ZNF287: variants seen among roughly 807,000 people sequenced by gnomAD.
ZNF287 encodes the protein zinc finger protein 287.
ZNF287 carries 31 observed loss-of-function variants against 73.7 expected under a neutral mutation model. That is an observed-to-expected ratio of 0.42 (90% CI 0.32 to 0.57). ZNF287 has a LOEUF of 0.57. Among genes scored for constraint, ZNF287 ranks in the 20% least tolerant of loss-of-function variants. ZNF287 has a pLI of 0.13. For missense variants in ZNF287, 641 were observed against 909.3 expected (o/e 0.70, Z 3.79); for synonymous variants, 301 against 307.2 (o/e 0.98, Z 0.21).
rs1374826233 is a variant in ZNF287, at chr17:16,550,857, ACTT to A, written c.*996_*998del. 6.6e-6 allele frequency among the ~76,000 whole-genome samples: 1 copy of A among 152,220 alleles called. No individual in the cohort carries two copies. Among genetic ancestry groups the A allele is most frequent in the Non-Finnish European group, 1.5e-5 (1 of 68,032 alleles). On this transcript the variant is annotated 3_prime_UTR_variant, in exon 6 of 6. Coordinates refer to ENST00000395825, the MANE Select transcript of ZNF287 (RefSeq NM_020653.4). ...AATGGGAACTGTATACTTTATACCT[ACTT>A]TTTTCCTTCAGGATGACCTTGAATG...
At position 16,550,004 on chromosome 17, in the gene ZNF287, A is replaced by G. The variant is rs1906541009; in HGVS notation, c.*1852T>C. On this transcript the variant is annotated 3_prime_UTR_variant, in exon 6 of 6. Transcript: ENST00000395825. ...TTCAACCATGTATTGACCATGCACTATTATGCAAGGGACTGGAGAAACAAG... is the reference window on the plus strand; with the variant it reads ...TTCAACCATGTATTGACCATGCACTGTTATGCAAGGGACTGGAGAAACAAG... Among the ~76,000 whole-genome samples the G allele has an allele frequency of 6.6e-6, 1 of 152,232 alleles. No homozygotes were observed. The highest frequency in any genetic ancestry group is 1.9e-4 in the East Asian group (1 of 5,208).
chr17:16,560,919 C>T (rs990599163), intron 5 of ZNF287, among the ~76,000 whole-genome samples: 3 of 150,540 alleles, frequency 2.0e-5, no homozygotes, highest in African/African-American at 7.3e-5. Context: ...AGGAGAATGG[C>T]GTGAACGTGG....
At chr17:16,564,104 A>G (rs1375494768) in intron 3 of ZNF287, among the ~76,000 whole-genome samples, 3 of 152,218 alleles carry the variant, frequency 2.0e-5, no homozygotes, top group Admixed American at 1.3e-4. Context: ...AAGGTTTATC[A>G]TTACTATTTT....
Position 16,567,593 on chromosome 17 carries a change from T to C in ZNF287, c.139A>G (p.Thr47Ala). Residue 47 changes from threonine (T) to alanine (A), a missense_variant, in exon 2 of 6, where the codon ACC becomes GCC. Transcript: ENST00000395825. ...AAATTCCTAAAATTCTGTCGACAGGTCTCAGTGTCACGCAAGAATCTTGAA... is the reference window on the plus strand; with the variant it reads ...AAATTCCTAAAATTCTGTCGACAGGCCTCAGTGTCACGCAAGAATCTTGAA... ...LTSRFLRDTE[T>A]CRQNFRNFPY... The C allele has an allele frequency of 6.2e-7, 1 of 1,614,188 alleles. No homozygotes were observed. The highest frequency in any genetic ancestry group is 1.1e-5 in the South Asian group (1 of 91,076).
chr17:16,565,060 A>G (rs1907667785), intron 3 of ZNF287, among the ~76,000 whole-genome samples: 1 of 151,658 alleles, frequency 6.6e-6, no homozygotes, highest in East Asian at 2.0e-4. Flanking sequence ...ATCTTTAAAA[A>G]AGTCATATTG....
intron 5 of ZNF287, among the ~76,000 whole-genome samples, chr17:16,562,090 C>T (rs1166069211): frequency 6.6e-6 from 1 of 152,030 alleles, no homozygotes. Context: ...ATTAGTGATT[C>T]CCAGTAGACA....
Position 16,552,453 on chromosome 17 carries a change from ACACTTCTCTC to A in ZNF287, c.1679_1688del (p.Gly560ValfsTer202). The A allele has an allele frequency of 6.2e-7, 1 of 1,614,098 alleles. No individual in the cohort carries two copies. The highest frequency in any genetic ancestry group is 1.7e-5 in the Admixed American group (1 of 60,018). On this transcript the variant is annotated frameshift_variant, in exon 6 of 6. Transcript: ENST00000395825. LOFTEE classifies it high-confidence loss of function. The surrounding 1 kb of genome is among the most constrained non-coding windows in gnomAD (Gnocchi z 6.5). ...CTTTTCCACATTCATTACATTTATAACACTTCTCTCCAGAATGAATTCTCTGATGTCGAAT... is the reference window on the plus strand; with the variant it reads ...CTTTTCCACATTCATTACATTTATAACAGAATGAATTCTCTGATGTCGAAT...
Position 16,547,394 on chromosome 17 carries a change from C to A in ZNF287, c.*4462G>T, listed in dbSNP as rs146182507. 2.8e-4 allele frequency among the ~76,000 whole-genome samples: 42 copies of A among 152,270 alleles called. No individual in the cohort carries two copies. The highest frequency in any genetic ancestry group is 3.4e-3 in the Middle Eastern group (1 of 294). On this transcript the variant is annotated 3_prime_UTR_variant, in exon 6 of 6. Coordinates refer to ENST00000395825, the MANE Select transcript of ZNF287 (RefSeq NM_020653.4). ...ACAAGTTCTATTCCCTTGTAAATTT[C>A]CTGATGGCATTGTCACAGGCCTTTT...
rs1906433135 is a variant in ZNF287 at position 16,548,652 on chromosome 17, T to C, written c.*3204A>G. Reference sequence around the variant, plus strand: ...CTCTACTAAAAAAATACAAAGAAATTAGCCGGGCGTGGTGGCGGGTGTCTG... The same window carrying C: ...CTCTACTAAAAAAATACAAAGAAATCAGCCGGGCGTGGTGGCGGGTGTCTG... On this transcript the variant is annotated 3_prime_UTR_variant, in exon 6 of 6. Transcript: ENST00000395825. Among the ~76,000 whole-genome samples, 1 of 151,908 alleles carries C rather than the reference T, an allele frequency of 6.6e-6. No homozygotes were observed. Among genetic ancestry groups the C allele is most frequent in the Non-Finnish European group, 1.5e-5 (1 of 67,972 alleles).
At position 16,552,920 on chromosome 17, in the gene ZNF287, T is replaced by G; in HGVS notation, c.1222A>C (p.Ile408Leu). 1 of 1,614,182 alleles carries G rather than the reference T, an allele frequency of 6.2e-7. No individual in the cohort carries two copies. The highest frequency in any genetic ancestry group is 8.5e-7 in the Non-Finnish European group (1 of 1,180,030). ...CEECGKEFRH[I>L]SSLIAHQRMH... ...CTCTGATGTGCAATAAGGGATGAGA[T>G]ATGCCTAAACTCTTTCCCACATTCT... Residue 408 changes from isoleucine to leucine, a missense_variant, in exon 6 of 6, where the codon ATC (isoleucine) becomes CTC (leucine). Ile to Leu is a conservative substitution (Grantham distance 5). Around this residue, in one of 2 missense-constraint regions of ZNF287, gnomAD observed 284 missense variants for 466.8 expected, o/e 0.61. Coordinates refer to ENST00000395825, the MANE Select transcript of ZNF287 (RefSeq NM_020653.4). The surrounding 1 kb of genome is among the most constrained non-coding windows in gnomAD (Gnocchi z 6.5).
At chr17:16,555,109 TGTG>T (rs1361171353) in intron 5 of ZNF287, among the ~76,000 whole-genome samples, 1 of 152,140 alleles carries the variant, frequency 6.6e-6, no homozygotes, top group Admixed American at 6.5e-5. Context: ...TTCTGAGAAA[TGTG>T]GTGTTGGTCG....
In ZNF287 at chr17:16,567,309, C is replaced by G; in HGVS notation, c.403+20G>C. 6.3e-7 allele frequency: 1 copy of G among 1,597,662 alleles called. No homozygotes were observed. Among genetic ancestry groups the G allele is most frequent in the Non-Finnish European group, 8.5e-7 (1 of 1,170,760 alleles). Reference sequence around the variant, plus strand: ...TTAACCACCCAGGGATTCCTCCCCTCTCTGCTCTATGATTCTCACCTTCCT... The same window carrying G: ...TTAACCACCCAGGGATTCCTCCCCTGTCTGCTCTATGATTCTCACCTTCCT... On this transcript the variant is annotated intron_variant, in intron 2 of 5. Transcript: ENST00000395825.
rs1402059157 is a variant in ZNF287 at position 16,550,821 on chromosome 17, C to T, written c.*1035G>A. On this transcript the variant is annotated 3_prime_UTR_variant, in exon 6 of 6. Transcript: ENST00000395825. ...AAACCTAAAGTATAAATTTAGGAGT[C>T]AGGTGAAAAAAATGGGAACTGTATA... Among the ~76,000 whole-genome samples the T allele has an allele frequency of 6.6e-6, 1 of 152,038 alleles. No individual in the cohort carries two copies. The highest frequency in any genetic ancestry group is 2.4e-5 in the African/African-American group (1 of 41,414).
chr17:16,562,472 G>A (rs963619973), intron 5 of ZNF287, among the ~76,000 whole-genome samples: 1 of 152,122 alleles, frequency 6.6e-6, no homozygotes, highest in Admixed American at 6.5e-5. Context: ...GACAACAGTT[G>A]TTCAAACTTT....
intron 5 of ZNF287, among the ~76,000 whole-genome samples, chr17:16,560,511 AG>A (rs1907372102): frequency 4.7e-5 from 7 of 150,446 alleles, no homozygotes; most frequent in African/African-American, 1.5e-4. Flanking sequence ...CACCACGCCC[AG>A]CTAATTTTTG....
Position 16,551,864 on chromosome 17 carries a change from G to A in ZNF287, c.2278C>T (p.Arg760Cys), listed in dbSNP as rs753188950. ...GAAGTTTCCCTTATCCATTAATTAC[G>A]ATGTTTGGCACCTGTATGAACACGT... is the stretch of plus-strand genomic sequence containing the variant. Reference protein sequence around the residue: ...HQRVHTGAKHRN With the variant: ...HQRVHTGAKHCN The change falls in exon 6 of 6, where the codon CGT (arginine) becomes TGT (cysteine). Residue 760 changes from arginine to cysteine, a missense_variant. By Grantham distance (180) the Arg-to-Cys change is radical. Around this residue, in one of 2 missense-constraint regions of ZNF287, gnomAD observed 284 missense variants for 466.8 expected, o/e 0.61. Coordinates refer to ENST00000395825, the MANE Select transcript of ZNF287 (RefSeq NM_020653.4). 3.1e-5 allele frequency: 49 copies of A among 1,572,958 alleles called. No homozygotes were observed. The East Asian group carries it at 3.8e-4, about 12-fold the overall frequency.
chr17:16,568,433 A>G (rs1450219406), intron 1 of ZNF287, among the ~76,000 whole-genome samples: 9 of 152,188 alleles, frequency 5.9e-5, no homozygotes, highest in Non-Finnish European at 7.3e-5. Context: ...TTTCACTATC[A>G]GAGGGTTGGG....
At position 16,553,479 on chromosome 17, in the gene ZNF287, G is replaced by T. The variant is rs532301068; in HGVS notation, c.716-53C>A. 931 of 1,323,222 alleles carry T rather than the reference G, an allele frequency of 7.0e-4. 20 individuals are homozygous for T. The South Asian group carries it at 0.016, about 23-fold the overall frequency. 82.0% of individuals were successfully genotyped at this position (1,323,222 alleles called of 1,614,324 possible). ...TTCATTTATTTGGAGAAAGGAAACT[G>T]CCAAAATAGAAACAAAAGAATAAAC... On this transcript the variant is annotated intron_variant, in intron 5 of 5. Transcript: ENST00000395825.
intron 5 of ZNF287, among the ~76,000 whole-genome samples, chr17:16,555,287 C>T (rs1906971307): frequency 6.6e-6 from 1 of 152,080 alleles, no homozygotes; most frequent in East Asian, 1.9e-4. Context: ...ATATTAAGTG[C>T]TTATGCATCA....
Sources: allele counts gnomAD v4.1 joint callset (sites outside exome capture counted in the v4.1 genomes callset), GRCh38; gene constraint gnomAD v4.1.1; regional missense constraint gnomAD v4.1.1; non-coding constraint Gnocchi (gnomAD v3.1); transcripts MANE v1.5; gene names NCBI Gene and HGNC (gene_info 2026-07-23, HGNC 2026-07-21).